Variants in WDR31 observed in about 807,000 individuals in gnomAD.
The protein encoded by WDR31 is WD repeat-containing protein 31.
Under a neutral mutation model 47.3 loss-of-function variants are expected in WDR31, and 30 were observed. The observed-to-expected ratio is 0.63, with a 90% CI of 0.47 to 0.86. The LOEUF is 0.86. Among genes scored for constraint, WDR31 ranks in the 40% least tolerant of loss-of-function variants. The pLI is 0.00. For missense variants in WDR31, 406 were observed against 442.9 expected (o/e 0.92, Z 0.75); for synonymous variants, 137 against 159.4 (o/e 0.86, Z 1.06).
intron 5 of WDR31, among the ~76,000 whole-genome samples, chr9:113,324,521 C>G (rs1450210295): frequency 6.6e-6 from 1 of 151,720 alleles, no homozygotes; most frequent in East Asian, 1.9e-4. Flanking sequence ...TCCTGAATAG[C>G]TGGGACTATA....
At chr9:113,324,828 A>ATGTGTGTGTATGTGTG (rs1833420310) in intron 5 of WDR31, among the ~76,000 whole-genome samples, 1 of 138,108 alleles carries the variant, frequency 7.2e-6, no homozygotes, top group African/African-American at 2.7e-5. Flanking sequence ...ATATATATAT[A>ATGTGTGTGTATGTGTG]TGTGTGTGTG....
chr9:113,318,373 G>T (rs1315697260), intron 10 of WDR31, 102 bp downstream of exon 10: 3 of 1,367,534 alleles, frequency 2.2e-6, no homozygotes, highest in Non-Finnish European at 3.1e-6. Context: ...AGTGGCAGAA[G>T]ATGGGTGGCT....
chr9:113,318,881 A>G (rs973289399), intron 9 of WDR31, among the ~76,000 whole-genome samples: 5 of 152,190 alleles, frequency 3.3e-5, no homozygotes, highest in African/African-American at 9.7e-5. Flanking sequence ...AATGTGTCAT[A>G]TGAGTTTTTG....
chr9:113,340,077 G>A (rs1833797862), intron 1 of WDR31, 140 bp downstream of exon 1: 1 of 152,314 alleles, frequency 6.6e-6, no homozygotes, highest in Non-Finnish European at 1.5e-5. Flanking sequence ...GGGGAGAAGA[G>A]TCCCCGAAGA....
At chr9:113,324,558 T>G (rs1833411855) in intron 5 of WDR31, among the ~76,000 whole-genome samples, 1 of 151,796 alleles carries the variant, frequency 6.6e-6, no homozygotes, top group Admixed American at 6.6e-5. Flanking sequence ...CCTGACTAAT[T>G]TTTGTATTTT....
In WDR31 at chr9:113,320,480, C is replaced by A. The variant is rs766670381; in HGVS notation, c.657G>T (p.Gly219=). The change falls in exon 9 of 11, where the codon GGG becomes GGT. Residue 219 remains glycine (G), a synonymous_variant. Coordinates refer to ENST00000374193, the MANE Select transcript of WDR31 (RefSeq NM_001012361.4). ...CAGGAAACATATGAGCTACCTGCAG[C>A]CCCCGACTGTCCCATAATCTGAAAG... is the stretch of plus-strand genomic sequence containing the variant. ...DKTLRLWDSR[G]LQVAHMFPAK... is the part of the protein sequence containing the mutation. The A allele has an allele frequency of 3.1e-6, 5 of 1,613,910 alleles. No individual in the cohort carries two copies. Among genetic ancestry groups the A allele is most frequent in the Non-Finnish European group, 4.2e-6 (5 of 1,179,882 alleles).
intron 2 of WDR31, 82 bp from the exon 3 acceptor site, chr9:113,332,132 CTAAT>C: frequency 1.0e-6 from 1 of 983,522 alleles, no homozygotes; most frequent in Non-Finnish European, 1.5e-6. Flanking sequence ...CTTTTTTAGA[CTAAT>C]TAATTGTATG....
At chr9:113,338,417 T>C (rs1833761780) in intron 1 of WDR31, among the ~76,000 whole-genome samples, 1 of 152,206 alleles carries the variant, frequency 6.6e-6, no homozygotes, top group African/African-American at 2.4e-5. Flanking sequence ...ATGAGTAGAA[T>C]AAGAAATAAA....
intron 5 of WDR31, among the ~76,000 whole-genome samples, chr9:113,325,201 C>T (rs1333414518): frequency 6.6e-6 from 1 of 151,960 alleles, no homozygotes; most frequent in Non-Finnish European, 1.5e-5. Context: ...GTGATCCACC[C>T]GCCTTGGCCT....
chr9:113,331,893 G>T lies in WDR31; in HGVS notation c.116+14C>A. 1.2e-6 allele frequency: 2 copies of T among 1,611,430 alleles called. No individual in the cohort carries two copies. Among genetic ancestry groups the T allele is most frequent in the Non-Finnish European group, 1.7e-6 (2 of 1,177,954 alleles). On this transcript the variant is annotated intron_variant, in intron 3 of 10. Transcript: ENST00000374193. ...CATGATAAAACCTGGGCTCCCAGGG[G>T]AGGATTGCAGTACCCGTATTTATAA...
chr9:113,323,886 C>A (rs1331821962), intron 5 of WDR31, among the ~76,000 whole-genome samples: 4 of 152,176 alleles, frequency 2.6e-5, no homozygotes, highest in Non-Finnish European at 4.4e-5. Context: ...TGAAGTGAAT[C>A]TCTGTTCCAT....
rs185115006 is a variant in WDR31, at chr9:113,339,096, T to C, written c.-182+1121A>G. On this transcript the variant is annotated intron_variant, in intron 1 of 10. Coordinates refer to ENST00000374193, the MANE Select transcript of WDR31 (RefSeq NM_001012361.4). ...CTCTGGATGTCCCTGTTGGTTCCAG[T>C]TGGAACCAGGCCTCGGTCTGAATCC... Among the ~76,000 whole-genome samples, 68 of 152,312 alleles carry C rather than the reference T, an allele frequency of 4.5e-4. 2 individuals are homozygous for C. The East Asian group carries it at 0.013, about 29-fold the overall frequency.
At chr9:113,333,436 C>A (rs1187335485) in intron 2 of WDR31, among the ~76,000 whole-genome samples, 1 of 142,420 alleles carries the variant, frequency 7.0e-6, no homozygotes, top group Non-Finnish European at 1.5e-5. Context: ...CTGCGGACTG[C>A]AGTGGCGCAA....
At chr9:113,319,461 A>G (rs1448826515) in intron 9 of WDR31, among the ~76,000 whole-genome samples, 1 of 152,226 alleles carries the variant, frequency 6.6e-6, no homozygotes, top group Non-Finnish European at 1.5e-5. Flanking sequence ...AATGGGAATT[A>G]TAATAGTACC....
rs916648623 is a variant in WDR31, at chr9:113,314,360, G to C, written c.*2389C>G. ...CTCCTGAGTAGCTGGGACTACAGGC[G>C]GGCACCACCACACCCAGCTAATTTT... On this transcript the variant is annotated 3_prime_UTR_variant, in exon 11 of 11. Coordinates refer to ENST00000374193, the MANE Select transcript of WDR31 (RefSeq NM_001012361.4). 6.7e-6 allele frequency: 1 copy of C among 149,346 alleles called. No homozygotes were observed. The highest frequency in any genetic ancestry group is 6.7e-5 in the Admixed American group (1 of 14,896). 9.3% of individuals were successfully genotyped at this position (149,346 alleles called of 1,614,324 possible). A position where few individuals can be genotyped will look rare whatever the true frequency, so the allele number is the denominator to read the frequency against.
At chr9:113,338,233 C>A (rs1322255103) in intron 1 of WDR31, among the ~76,000 whole-genome samples, 1 of 152,154 alleles carries the variant, frequency 6.6e-6, no homozygotes, top group Non-Finnish European at 1.5e-5. Context: ...AGAACACATA[C>A]AAACGGATAT....
rs762774293 is a variant in WDR31, at chr9:113,331,059, G to C, written c.174C>G (p.Ser58Arg). 1.9e-6 allele frequency: 3 copies of C among 1,609,572 alleles called. No individual in the cohort carries two copies. In the South Asian group the frequency reaches 3.3e-5, roughly 18 times the overall value. ...RIQTKAFQEYSPAHMDTVSVV... is the reference protein window; with the variant it reads ...RIQTKAFQEYRPAHMDTVSVV... ...CAGAGACGGTATCCATGTGAGCTGGGCTATACTCTTGAAAAGCTTTAGTTT... is the reference window on the plus strand; with the variant it reads ...CAGAGACGGTATCCATGTGAGCTGGCCTATACTCTTGAAAAGCTTTAGTTT... The change falls in exon 4 of 11, where the codon AGC becomes AGG. Residue 58 changes from serine to arginine, a missense_variant. Coordinates refer to ENST00000374193, the MANE Select transcript of WDR31 (RefSeq NM_001012361.4).
At chr9:113,319,637 G>T (rs1833282187) in intron 9 of WDR31, among the ~76,000 whole-genome samples, 1 of 152,142 alleles carries the variant, frequency 6.6e-6, no homozygotes, top group Admixed American at 6.5e-5. Context: ...AATCTAAGGT[G>T]CTTTGGAGGA....
chr9:113,334,507 T>A (rs1007121928), intron 2 of WDR31, among the ~76,000 whole-genome samples: 5 of 151,910 alleles, frequency 3.3e-5, no homozygotes, highest in Non-Finnish European at 7.4e-5. Flanking sequence ...GTCTTTAAAA[T>A]TTGTTTTTTA....
Sources: allele counts gnomAD v4.1 joint callset (sites outside exome capture counted in the v4.1 genomes callset), GRCh38; gene constraint gnomAD v4.1.1; transcripts MANE v1.5; gene names NCBI Gene and HGNC (gene_info 2026-07-23, HGNC 2026-07-21).